The following CHODL variants were observed in gnomAD, a reference collection of about 807,000 sequenced individuals.
The protein encoded by CHODL is transmembrane protein MT75.
CHODL carries 29 observed loss-of-function variants against 34.5 expected under a neutral mutation model. The observed-to-expected ratio is 0.84, with a 90% CI of 0.63 to 1.15. The LOEUF is 1.15. CHODL is among the 50% of genes most tolerant of loss of function. The pLI, the probability that CHODL is intolerant of heterozygous loss-of-function variation, is 0.00. For missense variants in CHODL, 332 were observed against 332.5 expected, an observed-to-expected ratio of 1.00 and a Z score of 0.01; for synonymous variants, 125 against 116.1, an observed-to-expected ratio of 1.08 and a Z score of -0.49.
chr21:17,976,599 C>T (rs528537615), intron 1 of CHODL, among the ~76,000 whole-genome samples: 7 of 152,300 alleles, frequency 4.6e-5, no homozygotes, highest in African/African-American at 1.2e-4. Context: ...AGCCCTTTAA[C>T]TATAAAATTG....
intron 2 of CHODL, among the ~76,000 whole-genome samples, chr21:18,171,198 G>GTTCTTTTTTTT (rs1333481522): frequency 0.63 from 23,397 of 36,926 alleles, 11,394 homozygotes; most frequent in Non-Finnish European, 0.73. Context: ...GTTTTCTTTA[G>GTTCTTTTTTTT]TTTTTTTTTT....
At chr21:18,037,396 C>G (rs1489729144) in intron 2 of CHODL, among the ~76,000 whole-genome samples, 3 of 151,800 alleles carry the variant, frequency 2.0e-5, no homozygotes, top group Admixed American at 1.3e-4. Flanking sequence ...TGGGATAGAT[C>G]CTAAAATGGT....
chr21:17,926,741 G>C (rs529026524), intron 1 of CHODL, among the ~76,000 whole-genome samples: 22 of 152,252 alleles, frequency 1.4e-4, no homozygotes, highest in African/African-American at 4.3e-4. Context: ...TTCAAGATGA[G>C]ATTTTGGGTG....
intron 2 of CHODL, among the ~76,000 whole-genome samples, chr21:18,156,535 A>G (rs2146635920): frequency 6.6e-6 from 1 of 152,354 alleles, no homozygotes; most frequent in South Asian, 2.1e-4. Flanking sequence ...TGTCAATGCA[A>G]AATTTGGAGG....
At chr21:18,076,019 G>T (rs1224354328) in intron 2 of CHODL, among the ~76,000 whole-genome samples, 1 of 152,168 alleles carries the variant, frequency 6.6e-6, no homozygotes, top group Non-Finnish European at 1.5e-5. Context: ...GGACTTCTCA[G>T]CTTCCAGAAC....
chr21:18,230,553 AT>A (rs1304908526), intron 2 of CHODL, among the ~76,000 whole-genome samples: 8 of 152,160 alleles, frequency 5.3e-5, no homozygotes, highest in African/African-American at 1.9e-4. Context: ...ATGCTTGTTG[AT>A]ACCATATAAT....
intron 1 of CHODL, among the ~76,000 whole-genome samples, chr21:17,981,424 A>G (rs2063713154): frequency 1.3e-5 from 2 of 152,212 alleles, no homozygotes; most frequent in African/African-American, 4.8e-5. Flanking sequence ...CTAAGTGACT[A>G]ACCTCATTTT....
intron 1 of CHODL, among the ~76,000 whole-genome samples, chr21:17,971,610 A>T (rs197535): frequency 0.018 from 2,682 of 151,944 alleles, 77 homozygotes; most frequent in African/African-American, 0.061. Context: ...TTTGTTTAAG[A>T]TCTTTGTAGA....
Position 17,963,073 on chromosome 21 carries a change from A to T in CHODL, c.-145+45673A>T, listed in dbSNP as rs563026876. 1.0e-2 allele frequency among the ~76,000 whole-genome samples: 875 copies of T among 87,624 alleles called. 8 individuals are homozygous for T. Among genetic ancestry groups the T allele is most frequent in the South Asian group, 0.018 (57 of 3,188 alleles). 57.5% of individuals were successfully genotyped at this position (87,624 alleles called of 152,430 possible). A position where few individuals can be genotyped will look rare whatever the true frequency, so the allele number is the denominator to read the frequency against. ...AGCGAGACTATGTCTCAAAAAAAAA[A>T]AATAATAATAATAATAATAATAACT... On this transcript the variant is annotated intron_variant, in intron 1 of 6. Coordinates refer to the CHODL transcript ENST00000400127.
intron 1 of CHODL, among the ~76,000 whole-genome samples, chr21:17,993,450 G>A (rs368565717): frequency 6.6e-6 from 1 of 152,120 alleles, no homozygotes; most frequent in Non-Finnish European, 1.5e-5. Context: ...GCTCTCACTT[G>A]TAAGTGAGGA....
intron 2 of CHODL, among the ~76,000 whole-genome samples, chr21:18,121,027 G>T (rs374471322): frequency 3.9e-5 from 6 of 152,220 alleles, no homozygotes; most frequent in East Asian, 3.9e-4. Flanking sequence ...AAGTTTTCCA[G>T]ATGCTCTCAT....
intron 1 of CHODL, among the ~76,000 whole-genome samples, chr21:18,000,857 A>G (rs987360985): frequency 5.9e-5 from 9 of 152,256 alleles, no homozygotes; most frequent in African/African-American, 2.2e-4. Context: ...CATGACTTTC[A>G]GAACAGCTTT....
chr21:17,959,471 C>A (rs572714591), intron 1 of CHODL, among the ~76,000 whole-genome samples: 2 of 152,162 alleles, frequency 1.3e-5, no homozygotes, highest in African/African-American at 4.8e-5. Context: ...AAATTCTATA[C>A]TCTGACTTTT....
At chr21:17,933,208 G>C (rs559260589) in intron 1 of CHODL, among the ~76,000 whole-genome samples, 2 of 152,140 alleles carry the variant, frequency 1.3e-5, no homozygotes, top group Non-Finnish European at 2.9e-5. Flanking sequence ...CCTTCCTCTT[G>C]TTTCAACTGC....
intron 2 of CHODL, among the ~76,000 whole-genome samples, chr21:18,239,797 A>G (rs2074064359): frequency 6.6e-6 from 1 of 152,006 alleles, no homozygotes; most frequent in Non-Finnish European, 1.5e-5. Flanking sequence ...CATCTGTGAT[A>G]TGTTGATTTA....
intron 2 of CHODL, among the ~76,000 whole-genome samples, chr21:18,175,594 A>G (rs201786679): frequency 7.1e-6 from 1 of 139,954 alleles, no homozygotes; most frequent in East Asian, 2.0e-4. Context: ...CTGTCTGGAG[A>G]AAAAAAAAAA....
At chr21:18,098,871 A>C (rs1009930153) in intron 2 of CHODL, among the ~76,000 whole-genome samples, 1 of 152,090 alleles carries the variant, frequency 6.6e-6, no homozygotes, top group Non-Finnish European at 1.5e-5. Context: ...TGGTACATAC[A>C]CCCAATGGAG....
At chr21:18,248,030 C>G (rs545779677) in intron 1 of CHODL, among the ~76,000 whole-genome samples, 1 of 139,532 alleles carries the variant, frequency 7.2e-6, no homozygotes, top group Non-Finnish European at 1.5e-5. Flanking sequence ...TTCCTTTTTT[C>G]TTTCTAGTGT....
chr21:17,935,301 T>C (rs1227111153), intron 1 of CHODL, among the ~76,000 whole-genome samples: 3 of 152,220 alleles, frequency 2.0e-5, no homozygotes, highest in African/African-American at 7.2e-5. Context: ...TTATAAATAA[T>C]AGGTAATGTA....
Sources: allele counts gnomAD v4.1 joint callset (sites outside exome capture counted in the v4.1 genomes callset), GRCh38; gene constraint gnomAD v4.1.1; transcripts MANE v1.5; gene names NCBI Gene and HGNC (gene_info 2026-07-23, HGNC 2026-07-21).